The following SLC24A2 variants were observed in gnomAD, a reference collection of about 807,000 sequenced individuals.
SLC24A2 encodes the protein solute carrier family 24 member 2.
SLC24A2 carries 36 observed loss-of-function variants against 62.0 expected under a neutral mutation model. The ratio of observed to expected loss-of-function variants is 0.58; its 90% confidence interval spans 0.44 to 0.77. SLC24A2 has a LOEUF of 0.77. Among genes scored for constraint, SLC24A2 ranks in the 30% least tolerant of loss-of-function variants. The probability of loss-of-function intolerance (pLI) is 0.00; values close to 1 mark genes in which losing one functional copy is unlikely to be tolerated. For missense variants in SLC24A2, 846 were observed against 817.9 expected, an observed-to-expected ratio of 1.03 and a Z score of -0.42; for synonymous variants, 358 against 294.0, an observed-to-expected ratio of 1.22 and a Z score of -2.23.
chr9:20,262,464 T>A, the SLC24A2 span, among the ~76,000 whole-genome samples: 1 of 152,330 alleles, frequency 6.6e-6, no homozygotes, highest in Middle Eastern at 3.4e-3. Context: ...TTTTCAGGAA[T>A]TCTCTGGCAG....
chr9:20,164,229 C>G, the SLC24A2 span, among the ~76,000 whole-genome samples: 1 of 151,936 alleles, frequency 6.6e-6, no homozygotes, highest in African/African-American at 2.4e-5. Context: ...TCACAACCTA[C>G]TCATCTGACA....
the SLC24A2 span, among the ~76,000 whole-genome samples, chr9:19,820,059 A>ATGTG: frequency 7.5e-5 from 4 of 53,630 alleles, no homozygotes; most frequent in African/African-American, 3.3e-4. Context: ...ATATATACAC[A>ATGTG]TATATATATA....
the SLC24A2 span, among the ~76,000 whole-genome samples, chr9:20,171,578 GA>G: frequency 6.6e-6 from 1 of 151,902 alleles, no homozygotes; most frequent in Non-Finnish European, 1.5e-5. Context: ...TCTTATATCA[GA>G]CAAAACAAAC....
the SLC24A2 span, among the ~76,000 whole-genome samples, chr9:19,898,872 G>A: frequency 3.9e-5 from 6 of 151,992 alleles, no homozygotes; most frequent in African/African-American, 1.5e-4. Flanking sequence ...TGAAGCATAT[G>A]ATAAGTTTAT....
At chr9:20,117,780 T>G in the SLC24A2 span, among the ~76,000 whole-genome samples, 26 of 152,282 alleles carry the variant, frequency 1.7e-4, no homozygotes, top group African/African-American at 7.2e-5. Context: ...AAGGGCTTAT[T>G]ATGTGTCAAA....
At chr9:20,172,845 C>A in the SLC24A2 span, among the ~76,000 whole-genome samples, 7 of 152,132 alleles carry the variant, frequency 4.6e-5, no homozygotes, top group South Asian at 1.5e-3. Flanking sequence ...CTAAATCATT[C>A]TGTGAAGCCT....
the SLC24A2 span, among the ~76,000 whole-genome samples, chr9:20,262,392 G>A: frequency 6.6e-6 from 1 of 152,190 alleles, no homozygotes; most frequent in African/African-American, 2.4e-5. Flanking sequence ...GAGGACTGAA[G>A]ACCAAGTGCC....
chr9:19,555,138 T>C (rs1835019473), intron 7 of SLC24A2, among the ~76,000 whole-genome samples: 1 of 152,168 alleles, frequency 6.6e-6, no homozygotes, highest in Non-Finnish European at 1.5e-5. Context: ...ATATGTTCTT[T>C]CTCACAGGGA....
At chr9:20,193,408 C>G in the SLC24A2 span, among the ~76,000 whole-genome samples, 1,032 of 152,052 alleles carry the variant, frequency 6.8e-3, 7 homozygotes, top group African/African-American at 0.022. Context: ...AAAAGAAAAG[C>G]AAGAAAACTT....
the SLC24A2 span, among the ~76,000 whole-genome samples, chr9:19,834,312 A>G: frequency 6.7e-6 from 1 of 148,560 alleles, no homozygotes; most frequent in Admixed American, 6.6e-5. Flanking sequence ...ATGGCAAAGA[A>G]GTTAAAAACT....
At chr9:19,759,682 G>A (rs1458735387) in intron 2 of SLC24A2, among the ~76,000 whole-genome samples, 3 of 152,122 alleles carry the variant, frequency 2.0e-5, no homozygotes, top group Non-Finnish European at 1.5e-5. Context: ...ATTATTTACT[G>A]GGTATCTATT....
chr9:19,561,209 C>T (rs1417511961), intron 7 of SLC24A2, among the ~76,000 whole-genome samples: 6 of 151,886 alleles, frequency 4.0e-5, no homozygotes, highest in South Asian at 2.1e-4. Context: ...GGATTACAGG[C>T]GTGAGCCACC....
At chr9:20,077,117 A>T in the SLC24A2 span, among the ~76,000 whole-genome samples, 631 of 152,044 alleles carry the variant, frequency 4.2e-3, 3 homozygotes, top group Non-Finnish European at 6.9e-3. Flanking sequence ...AGAATAAAAA[A>T]GTGGTAATCA....
the SLC24A2 span, among the ~76,000 whole-genome samples, chr9:19,843,239 G>T: frequency 6.6e-6 from 1 of 152,186 alleles, no homozygotes; most frequent in Non-Finnish European, 1.5e-5. Context: ...AGTGGCTTGT[G>T]CCTTGTAATC....
intron 7 of SLC24A2, among the ~76,000 whole-genome samples, chr9:19,553,516 T>C (rs1416539070): frequency 6.6e-6 from 1 of 152,252 alleles, no homozygotes; most frequent in Non-Finnish European, 1.5e-5. Flanking sequence ...TAGGGCCTTG[T>C]AATCTTTGAT....
the SLC24A2 span, among the ~76,000 whole-genome samples, chr9:20,044,602 G>A: frequency 6.6e-6 from 1 of 151,908 alleles, no homozygotes; most frequent in Non-Finnish European, 1.5e-5. Flanking sequence ...TTGGGACAAC[G>A]CATATTTTAT....
chr9:20,104,343 A>G, the SLC24A2 span, among the ~76,000 whole-genome samples: 1 of 152,212 alleles, frequency 6.6e-6, no homozygotes, highest in Non-Finnish European at 1.5e-5. Context: ...CAGGAAATAC[A>G]GAGAACGCCA....
chr9:19,556,464 A>C (rs963319192), intron 7 of SLC24A2, among the ~76,000 whole-genome samples: 2 of 152,210 alleles, frequency 1.3e-5, no homozygotes, highest in Admixed American at 1.3e-4. Context: ...TCAGAGAATT[A>C]AAGTGAAAAC....
At chr9:20,147,597 T>C in the SLC24A2 span, among the ~76,000 whole-genome samples, 8 of 152,154 alleles carry the variant, frequency 5.3e-5, no homozygotes, top group African/African-American at 1.4e-4. Flanking sequence ...CCCCAACTCA[T>C]AGGCTTCAAC....
Sources: gnomAD v4.1 joint callset for allele counts (sites outside exome capture counted in the v4.1 genomes callset) on GRCh38, gnomAD v4.1.1 for gene constraint, MANE v1.5 for transcripts, NCBI Gene and HGNC (gene_info 2026-07-23, HGNC 2026-07-21) for gene names.